MCF2L: variants seen among roughly 807,000 people sequenced by gnomAD.
MCF2L encodes the protein guanine nucleotide exchange factor DBS.
MCF2L carries 97 observed loss-of-function variants against 153.4 expected under a neutral mutation model. The ratio of observed to expected loss-of-function variants is 0.63; its 90% CI spans 0.54 to 0.75. The LOEUF is 0.75. Ranked by LOEUF, MCF2L falls within the 30% of genes least tolerant of loss-of-function variation. MCF2L has a pLI of 0.00. For synonymous variants in MCF2L, 659 were observed against 632.2 expected (o/e 1.04, Z -0.64); for missense variants, 1,347 against 1,495.2 (o/e 0.90, Z 1.64).
chr13:113,003,566 C>G (rs2083505358), intron 1 of MCF2L, among the ~76,000 whole-genome samples: 1 of 152,090 alleles, frequency 6.6e-6, no homozygotes, highest in South Asian at 2.1e-4. Flanking sequence ...ACCCCTGAAG[C>G]CCTGGCCACC....
chr13:112,914,612 G>A (rs1426503484), intron 2 of MCF2L, among the ~76,000 whole-genome samples: 2 of 152,236 alleles, frequency 1.3e-5, no homozygotes, highest in Non-Finnish European at 2.9e-5. Flanking sequence ...GGTGTCTGAT[G>A]GGAGAGGCTG....
At chr13:113,012,411 C>T (rs1407803881) in intron 1 of MCF2L, among the ~76,000 whole-genome samples, 2 of 99,524 alleles carry the variant, frequency 2.0e-5, no homozygotes, top group African/African-American at 7.2e-5. Context: ...GTGATGCGGA[C>T]GGTGGACAGG....
In MCF2L at chr13:113,045,744, C is replaced by T. The variant is rs144504432; in HGVS notation, c.369+383C>T. 5.1e-4 allele frequency: 130 copies of T among 253,348 alleles called. 2 individuals carry two copies. In the East Asian group the frequency reaches 7.2e-3, roughly 14 times the overall value. The allele number at this position is 253,348 out of a possible 1,614,324, so 15.7% of individuals were successfully genotyped here. A position where few individuals can be genotyped will look rare whatever the true frequency, so the allele number is the denominator to read the frequency against. ...ATCTATCTTTAGCTGTGACACTGAA[C>T]GAGCCACCACCGCCTCCCTTCCCCA... On this transcript the variant is annotated intron_variant, in intron 4 of 29. Coordinates refer to ENST00000535094, the MANE Select transcript of MCF2L (RefSeq NM_001112732.3). This position sits in a 1 kb window ranked among gnomAD's most constrained non-coding sequence, Gnocchi z 4.2.
rs2086078402 is a variant in MCF2L at position 113,035,195 on chromosome 13, C to A, written c.279-10076C>A. On this transcript the variant is annotated intron_variant, in intron 3 of 29. Transcript: ENST00000535094. This position sits in a 1 kb window ranked among gnomAD's most constrained non-coding sequence, Gnocchi z 4.4. ...TGGAAAAATGTTGAAACTGGGGCGG[C>A]TTCTCTGGGTGACTCTGACGCTCTC... Among the ~76,000 whole-genome samples, 1 of 152,162 alleles carries A rather than the reference C, an allele frequency of 6.6e-6. No homozygotes were observed. Among genetic ancestry groups the A allele is most frequent in the African/African-American group, 2.4e-5 (1 of 41,456 alleles).
In MCF2L at chr13:113,070,018, G is replaced by A. The variant is rs749463092; in HGVS notation, c.882-41G>A. 9.0e-6 allele frequency: 13 copies of A among 1,446,584 alleles called. No individual in the cohort carries two copies. The highest frequency in any genetic ancestry group is 4.7e-5 in the South Asian group (4 of 85,232). The allele number at this position is 1,446,584 out of a possible 1,614,324, so 89.6% of individuals were successfully genotyped here. A position where few individuals can be genotyped will look rare whatever the true frequency, so the allele number is the denominator to read the frequency against. On this transcript the variant is annotated intron_variant, in intron 8 of 29. Coordinates refer to ENST00000535094, the MANE Select transcript of MCF2L (RefSeq NM_001112732.3). The surrounding 1 kb of genome is among the most constrained non-coding windows in gnomAD (Gnocchi z 5.6). The stretch of plus-strand genomic sequence containing the variant: ...CACCGCGCTCCACGTTGCATGGGGC[G>A]CCGTGGGCCACACAGACGGTCAACT...
chr13:113,062,941 G>A (rs559796956), intron 5 of MCF2L, among the ~76,000 whole-genome samples: 2 of 152,354 alleles, frequency 1.3e-5, no homozygotes, highest in East Asian at 3.9e-4. Flanking sequence ...GGCCTCAGTG[G>A]TGGTGTGTTG....
intron 4 of MCF2L, among the ~76,000 whole-genome samples, chr13:113,048,214 T>C (rs912574070): frequency 6.6e-5 from 10 of 152,368 alleles, no homozygotes; most frequent in Admixed American, 2.6e-4. Flanking sequence ...TTGGCTCATC[T>C]TGAAAGCTCT....
chr13:113,045,095 G>C lies in MCF2L; in HGVS notation c.279-176G>C. Reference sequence around the variant, plus strand: ...CCTTCCGTAGATGAGAGCAGGTTCTGGGACTGCGGGGATGGGGCTGCCGGG... The same window carrying C: ...CCTTCCGTAGATGAGAGCAGGTTCTCGGACTGCGGGGATGGGGCTGCCGGG... On this transcript the variant is annotated intron_variant, in intron 3 of 29. Transcript: ENST00000535094. The surrounding 1 kb of genome is among the most constrained non-coding windows in gnomAD (Gnocchi z 4.2). 1.1e-6 allele frequency: 1 copy of C among 913,232 alleles called. No homozygotes were observed. The highest frequency in any genetic ancestry group is 1.7e-6 in the Non-Finnish European group (1 of 590,056). The allele number at this position is 913,232 out of a possible 1,614,324, so 56.6% of individuals were successfully genotyped here. A position where few individuals can be genotyped will look rare whatever the true frequency, so the allele number is the denominator to read the frequency against.
chr13:113,022,265 T>TCCAA, intron 2 of MCF2L, among the ~76,000 whole-genome samples: 1 of 151,644 alleles, frequency 6.6e-6, no homozygotes, highest in South Asian at 2.1e-4. Context: ...CACCGTCCAC[T>TCCAA]CCAAGCTCCC....
rs539538903 is a variant in MCF2L, at chr13:112,987,693, G to T, written c.79+18235G>T. Among the ~76,000 whole-genome samples, 26 of 152,368 alleles carry T rather than the reference G, an allele frequency of 1.7e-4. No individual in the cohort carries two copies. In the South Asian group the frequency reaches 4.1e-3, roughly 24 times the overall value. On this transcript the variant is annotated intron_variant, in intron 1 of 29. Coordinates refer to ENST00000535094, the MANE Select transcript of MCF2L (RefSeq NM_001112732.3). ...TTGCACGGTGGTGAGAGGGTTGGGC[G>T]TTGGGCTCCCTCGCCCCCATCCGGC... is the stretch of plus-strand genomic sequence containing the variant.
intron 2 of MCF2L, among the ~76,000 whole-genome samples, chr13:112,914,749 C>T (rs1366532884): frequency 1.3e-5 from 2 of 152,102 alleles, no homozygotes; most frequent in African/African-American, 4.8e-5. Flanking sequence ...CTTTGTTTGC[C>T]CATATTTTAG....
At chr13:113,091,207 C>A (rs565652049) in intron 26 of MCF2L, 3 of 1,302,814 alleles carry the variant, frequency 2.3e-6, no homozygotes, top group Admixed American at 2.3e-5. Flanking sequence ...TAGAGTGGCA[C>A]CCTCGGGCAC....
rs770830052 is a variant in MCF2L, at chr13:113,096,646, C to T, written c.3285C>T (p.Ser1095=). ...CGTCCGGCTCGGCCCAGTGCCTGAG[C>T]AGCTCAGGTAAGGCCCACGTGCCCC... ...LGPSGSAQCL[S]SSESSPGSAV... The change falls in exon 29 of 30, where the codon AGC becomes AGT. Residue 1095 remains serine, a synonymous_variant. Transcript: ENST00000535094. The T allele has an allele frequency of 1.8e-5, 29 of 1,587,870 alleles. No individual in the cohort carries two copies. In the African/African-American group the frequency reaches 3.3e-4, roughly 18 times the overall value.
intron 1 of MCF2L, among the ~76,000 whole-genome samples, chr13:112,973,988 A>T (rs1594428120): frequency 6.6e-6 from 1 of 152,098 alleles, no homozygotes; most frequent in South Asian, 2.1e-4. Flanking sequence ...TCCGTCTTCA[A>T]AGCCGCTCCT....
chr13:113,089,750 G>T (rs750171986), intron 26 of MCF2L, 22 bp downstream of exon 26: 5 of 1,605,648 alleles, frequency 3.1e-6, no homozygotes, highest in Non-Finnish European at 3.4e-6. Flanking sequence ...CAGGGACCGG[G>T]CCTCACACGG....
chr13:113,085,500 G>T (rs2034545218), intron 20 of MCF2L, among the ~76,000 whole-genome samples: 1 of 152,204 alleles, frequency 6.6e-6, no homozygotes, highest in African/African-American at 2.4e-5. Flanking sequence ...AGGGACGTGG[G>T]GCGGCCTAGA....
upstream of MCF2L, chr13:112,968,465 A>T (rs1192636301): frequency 6.3e-7 from 1 of 1,589,350 alleles, no homozygotes. Context: ...GGTGCCAACC[A>T]TGGCGAGGGT....
chr13:112,895,282 C>T (rs1484705783), intron 1 of MCF2L, among the ~76,000 whole-genome samples: 1 of 152,190 alleles, frequency 6.6e-6, no homozygotes, highest in Non-Finnish European at 1.5e-5. Context: ...ATGACCCTCA[C>T]AGAGCCGGGA....
chr13:112,923,930 G>A, intron 2 of MCF2L, among the ~76,000 whole-genome samples: 1 of 152,136 alleles, frequency 6.6e-6, no homozygotes, highest in Non-Finnish European at 1.5e-5. Flanking sequence ...TTATGTTGTA[G>A]AACATTCCTA....
Sources: gnomAD v4.1 joint callset for allele counts (sites outside exome capture counted in the v4.1 genomes callset) on GRCh38, gnomAD v4.1.1 for gene constraint, Gnocchi (gnomAD v3.1) non-coding constraint, MANE v1.5 for transcripts, NCBI Gene and HGNC (gene_info 2026-07-23, HGNC 2026-07-21) for gene names.